The following EXOC6B variants were observed in gnomAD, a reference collection of about 807,000 sequenced individuals.
The protein encoded by EXOC6B is SEC15 homolog B.
In EXOC6B, 54 loss-of-function variants were observed where a neutral mutation model predicts 113.5. The observed-to-expected ratio is 0.48, with a 90% CI of 0.38 to 0.60. The LOEUF (loss-of-function observed/expected upper bound fraction) is 0.60, where lower values mean the gene tolerates loss of function less well. Among genes scored for constraint, EXOC6B ranks in the 20% least tolerant of loss-of-function variants. The pLI, the probability that EXOC6B is intolerant of heterozygous loss-of-function variation, is 0.00. For synonymous variants in EXOC6B, 357 were observed against 339.0 expected, an observed-to-expected ratio of 1.05 and a Z score of -0.58; for missense variants, 797 against 977.5, an observed-to-expected ratio of 0.82 and a Z score of 2.46.
chr2:72,457,012 GAA>G (rs112489084), intron 18 of EXOC6B, among the ~76,000 whole-genome samples: 114 of 140,744 alleles, frequency 8.1e-4, no homozygotes, highest in African/African-American at 2.8e-3. Context: ...GCATGGGGGG[GAA>G]AAAAAAAAAA....
At chr2:72,513,006 G>T in intron 11 of EXOC6B, 126 bp downstream of exon 11, 2 of 1,120,056 alleles carry the variant, frequency 1.8e-6, no homozygotes, top group Non-Finnish European at 2.5e-6. Context: ...CTATGTCTTT[G>T]AAGGACATCT....
chr2:72,429,463 T>C (rs1432475484), intron 18 of EXOC6B, among the ~76,000 whole-genome samples: 4 of 152,212 alleles, frequency 2.6e-5, no homozygotes, highest in African/African-American at 9.7e-5. Flanking sequence ...AGATCTTAGA[T>C]AATCATAGCA....
chr2:72,409,927 C>T (rs1282236146), intron 18 of EXOC6B, among the ~76,000 whole-genome samples: 2 of 152,014 alleles, frequency 1.3e-5, no homozygotes, highest in Non-Finnish European at 2.9e-5. Flanking sequence ...TGTTCTGCTC[C>T]CTTTGGAACT....
intron 16 of EXOC6B, among the ~76,000 whole-genome samples, chr2:72,485,606 C>T (rs987889187): frequency 2.0e-5 from 3 of 152,160 alleles, no homozygotes; most frequent in African/African-American, 7.2e-5. Flanking sequence ...TACTAAAATA[C>T]ATGAAACTCC....
chr2:72,351,999 C>A (rs1217236005), intron 19 of EXOC6B, among the ~76,000 whole-genome samples: 3 of 152,134 alleles, frequency 2.0e-5, no homozygotes, highest in African/African-American at 4.8e-5. Flanking sequence ...TATTTTCTCT[C>A]ACAATTTGTA....
At chr2:72,671,601 G>A (rs1675812885) in intron 6 of EXOC6B, among the ~76,000 whole-genome samples, 1 of 151,994 alleles carries the variant, frequency 6.6e-6, no homozygotes, top group African/African-American at 2.4e-5. Flanking sequence ...GGGAGCCTGA[G>A]GCAGAAGAAT....
At chr2:72,411,831 T>C (rs1409069618) in intron 18 of EXOC6B, among the ~76,000 whole-genome samples, 3 of 152,024 alleles carry the variant, frequency 2.0e-5, no homozygotes, top group Non-Finnish European at 4.4e-5. Context: ...TAAAACTGCC[T>C]AAAGAAATGA....
intron 1 of EXOC6B, among the ~76,000 whole-genome samples, chr2:72,803,664 T>A (rs768050589): frequency 3.3e-5 from 5 of 152,206 alleles, no homozygotes; most frequent in African/African-American, 4.8e-5. Flanking sequence ...ACCATTCACT[T>A]AAAATTATTG....
chr2:72,200,604 T>C (rs1291226688), intron 20 of EXOC6B, among the ~76,000 whole-genome samples: 1 of 152,168 alleles, frequency 6.6e-6, no homozygotes, highest in Non-Finnish European at 1.5e-5. Flanking sequence ...GTACTATTAT[T>C]TCATCTTGCA....
At chr2:72,436,631 T>C (rs1695888386) in intron 18 of EXOC6B, among the ~76,000 whole-genome samples, 1 of 152,098 alleles carries the variant, frequency 6.6e-6, no homozygotes, top group South Asian at 2.1e-4. Context: ...CTTGTCTTCA[T>C]GCTTTATTTC....
At chr2:72,668,947 T>C (rs962047387) in intron 6 of EXOC6B, among the ~76,000 whole-genome samples, 5 of 152,084 alleles carry the variant, frequency 3.3e-5, no homozygotes, top group African/African-American at 7.2e-5. Context: ...AATTGCTGGG[T>C]GTGGTGGCAT....
At chr2:72,220,230 C>T (rs1488698801) in intron 20 of EXOC6B, among the ~76,000 whole-genome samples, 1 of 152,142 alleles carries the variant, frequency 6.6e-6, no homozygotes, top group Non-Finnish European at 1.5e-5. Context: ...GGATTGAGCT[C>T]GTTTAAGGAC....
intron 6 of EXOC6B, among the ~76,000 whole-genome samples, chr2:72,611,339 A>C (rs544046367): frequency 1.1e-4 from 16 of 151,964 alleles, no homozygotes; most frequent in Non-Finnish European, 2.2e-4. Context: ...GTCCCAGGAA[A>C]AGAGCAAGAC....
At chr2:72,181,442 T>G (rs1290378921) in intron 21 of EXOC6B, among the ~76,000 whole-genome samples, 1 of 152,166 alleles carries the variant, frequency 6.6e-6, no homozygotes, top group Non-Finnish European at 1.5e-5. Context: ...AGTTGCACAA[T>G]TACATTTGTA....
At chr2:72,796,453 CAAA>C (rs61374385) in intron 1 of EXOC6B, among the ~76,000 whole-genome samples, 1 of 54,014 alleles carries the variant, frequency 1.9e-5, no homozygotes. Flanking sequence ...ACTCCATCTC[CAAA>C]AAAAAAAAAA....
intron 20 of EXOC6B, among the ~76,000 whole-genome samples, chr2:72,215,665 A>G (rs1680477513): frequency 6.6e-6 from 1 of 152,170 alleles, no homozygotes; most frequent in Non-Finnish European, 1.5e-5. Context: ...AACAACTAAA[A>G]GCTGAGCGCG....
intron 20 of EXOC6B, among the ~76,000 whole-genome samples, chr2:72,297,602 T>C (rs953018221): frequency 2.0e-5 from 3 of 152,216 alleles, no homozygotes; most frequent in African/African-American, 7.2e-5. Context: ...GATGTTAGGG[T>C]GTCAATTTTA....
intron 16 of EXOC6B, 147 bp downstream of exon 16, chr2:72,492,171 A>T: frequency 2.3e-6 from 1 of 432,010 alleles, no homozygotes; most frequent in Non-Finnish European, 4.2e-6. Flanking sequence ...CAAAGAAAAG[A>T]ACAAGAGATT....
intron 18 of EXOC6B, among the ~76,000 whole-genome samples, chr2:72,400,624 G>A (rs897040183): frequency 4.7e-5 from 7 of 150,454 alleles, no homozygotes; most frequent in Admixed American, 2.0e-4. Flanking sequence ...TTAAAAAATC[G>A]GCAAAGGACA....
Sources: allele counts gnomAD v4.1 joint callset (sites outside exome capture counted in the v4.1 genomes callset), GRCh38; gene constraint gnomAD v4.1.1; transcripts MANE v1.5; gene names NCBI Gene and HGNC (gene_info 2026-07-23, HGNC 2026-07-21).